The following PALM2AKAP2 variants were observed in gnomAD, a reference collection of about 807,000 sequenced individuals.
PALM2AKAP2 encodes the protein PALM2 and AKAP2 fusion, also known as PALM2-AKAP2 fusion protein.
PALM2AKAP2 carries 37 observed loss-of-function variants against 71.5 expected under a neutral mutation model. That is an observed-to-expected ratio of 0.52 (90% confidence interval 0.40 to 0.68). PALM2AKAP2 has a LOEUF of 0.68. PALM2AKAP2 is among the 30% of genes least tolerant of loss of function. PALM2AKAP2 has a pLI of 0.00. For synonymous variants in PALM2AKAP2, 468 were observed against 478.8 expected (o/e 0.98, Z 0.29); for missense variants, 1,224 against 1,191.8 (o/e 1.03, Z -0.40).
rs139672441 is a variant in PALM2AKAP2, at chr9:110,100,545, G to A, written c.157-35582G>A. Among the ~76,000 whole-genome samples, 69 of 152,258 alleles carry A rather than the reference G, an allele frequency of 4.5e-4. 1 individual carries two copies. In the East Asian group the frequency reaches 0.012, roughly 27 times the overall value. On this transcript the variant is annotated intron_variant, in intron 1 of 3. Coordinates refer to ENST00000374525, the Ensembl canonical transcript of PALM2AKAP2. ...GGGTCTGAGAAAGGCCACTGGAAAT[G>A]GAAGGCTTAACGGCCAGTCCTCTGC... is the stretch of plus-strand genomic sequence containing the variant.
chr9:109,947,991 A>G (rs979831006), intron 6 of PALM2AKAP2, among the ~76,000 whole-genome samples: 70 of 152,246 alleles, frequency 4.6e-4, no homozygotes, highest in African/African-American at 1.6e-3. Flanking sequence ...AGTACAACAC[A>G]GCAAGAGCAC....
At chr9:109,832,988 C>G (rs952470556) in intron 1 of PALM2AKAP2, among the ~76,000 whole-genome samples, 7 of 152,192 alleles carry the variant, frequency 4.6e-5, no homozygotes, top group African/African-American at 1.7e-4. Flanking sequence ...CAGGGGCTCT[C>G]TTGTTTTCCT....
At chr9:110,062,758 C>T (rs1422052765) in intron 1 of PALM2AKAP2, among the ~76,000 whole-genome samples, 1 of 152,190 alleles carries the variant, frequency 6.6e-6, no homozygotes, top group Admixed American at 6.5e-5. Context: ...TCTATTTTCT[C>T]ATATAGTTGT....
chr9:109,645,285 AC>A (rs1564099899), intron 1 of PALM2AKAP2, among the ~76,000 whole-genome samples: 1 of 152,116 alleles, frequency 6.6e-6, no homozygotes, highest in Non-Finnish European at 1.5e-5. Context: ...AATTTTAAAA[AC>A]CACCAGATCT....
intron 1 of PALM2AKAP2, among the ~76,000 whole-genome samples, chr9:109,730,125 A>G (rs1459999522): frequency 6.6e-6 from 1 of 152,228 alleles, no homozygotes; most frequent in Non-Finnish European, 1.5e-5. Flanking sequence ...TCTTGATGAA[A>G]GGAAAGAGGA....
At chr9:110,160,340 T>G (rs1416451870) in intron 3 of PALM2AKAP2, among the ~76,000 whole-genome samples, 1 of 152,208 alleles carries the variant, frequency 6.6e-6, no homozygotes, top group Admixed American at 6.5e-5. Context: ...TTCTCTTATG[T>G]GGAAATGTCC....
intron 1 of PALM2AKAP2, among the ~76,000 whole-genome samples, chr9:109,644,351 A>G (rs907333428): frequency 4.6e-5 from 7 of 152,266 alleles, no homozygotes; most frequent in African/African-American, 1.7e-4. Context: ...TTTGAATATG[A>G]GTGAAATAGG....
chr9:110,006,008 T>C (rs1832773983), intron 6 of PALM2AKAP2, among the ~76,000 whole-genome samples: 1 of 152,142 alleles, frequency 6.6e-6, no homozygotes, highest in South Asian at 2.1e-4. Flanking sequence ...CTTCGGCTCA[T>C]GCTTGGTGTG....
chr9:110,090,827 G>A (rs1373805573), intron 1 of PALM2AKAP2, among the ~76,000 whole-genome samples: 2 of 152,180 alleles, frequency 1.3e-5, no homozygotes, highest in African/African-American at 2.4e-5. Flanking sequence ...TTTTTTACCT[G>A]ATGTTTTAAT....
At chr9:110,137,550 C>A in exon 2 of PALM2AKAP2, 1 of 1,614,164 alleles carries the variant, frequency 6.2e-7, no homozygotes, top group South Asian at 1.1e-5. Context: ...GGAGAATTTA[C>A]GAGCGCCCGG....
At chr9:109,645,244 G>T (rs1434715303) in intron 1 of PALM2AKAP2, among the ~76,000 whole-genome samples, 2 of 152,140 alleles carry the variant, frequency 1.3e-5, no homozygotes, top group African/African-American at 4.8e-5. Flanking sequence ...GAGGGCAGCA[G>T]GCAAAAAGAA....
chr9:109,663,182 A>G (rs1175875570), intron 1 of PALM2AKAP2, among the ~76,000 whole-genome samples: 3 of 152,170 alleles, frequency 2.0e-5, no homozygotes, highest in African/African-American at 4.8e-5. Flanking sequence ...TTGTGTCTCT[A>G]TCTCTTTCAG....
intron 6 of PALM2AKAP2, among the ~76,000 whole-genome samples, chr9:109,970,885 T>C (rs1273933551): frequency 2.0e-5 from 3 of 152,212 alleles, no homozygotes; most frequent in East Asian, 1.9e-4. Flanking sequence ...GGCAGAAGAA[T>C]TACTTGAGCC....
intron 1 of PALM2AKAP2, among the ~76,000 whole-genome samples, chr9:109,732,943 G>C (rs556535852): frequency 5.3e-4 from 81 of 152,278 alleles, no homozygotes; most frequent in Admixed American, 9.8e-4. Flanking sequence ...ATTCCCCAGG[G>C]AGATCAAGGG....
At chr9:109,920,847 G>C (rs1166424639) in intron 3 of PALM2AKAP2, among the ~76,000 whole-genome samples, 1 of 152,056 alleles carries the variant, frequency 6.6e-6, no homozygotes, top group African/African-American at 2.4e-5. Context: ...CACCTGGTTG[G>C]TAGTATCATC....
chr9:109,727,540 T>C (rs1364307250), intron 1 of PALM2AKAP2, among the ~76,000 whole-genome samples: 1 of 152,238 alleles, frequency 6.6e-6, no homozygotes, highest in East Asian at 1.9e-4. Context: ...GCTGAGGAGT[T>C]CTGATGCAGG....
chr9:109,864,691 G>A (rs1450457051), intron 1 of PALM2AKAP2, among the ~76,000 whole-genome samples: 1 of 152,150 alleles, frequency 6.6e-6, no homozygotes, highest in East Asian at 1.9e-4. Flanking sequence ...GAACTACAAT[G>A]GTAGCATTCA....
At chr9:109,810,148 C>T (rs1280662268) in intron 1 of PALM2AKAP2, among the ~76,000 whole-genome samples, 1 of 152,166 alleles carries the variant, frequency 6.6e-6, no homozygotes, top group African/African-American at 2.4e-5. Flanking sequence ...CAGTCCATAG[C>T]ATGCAGATAA....
intron 1 of PALM2AKAP2, among the ~76,000 whole-genome samples, chr9:109,860,321 C>T (rs1829277650): frequency 6.6e-6 from 1 of 152,186 alleles, no homozygotes. Flanking sequence ...AATTATAACC[C>T]AACCATGTCT....
Sources: allele counts gnomAD v4.1 joint callset (sites outside exome capture counted in the v4.1 genomes callset), GRCh38; gene constraint gnomAD v4.1.1; transcripts MANE v1.5; gene names NCBI Gene and HGNC (gene_info 2026-07-23, HGNC 2026-07-21).